DDX51: variants seen among roughly 807,000 people sequenced by gnomAD.
The protein encoded by DDX51 is ATP-dependent RNA helicase DDX51.
A neutral mutation model predicts 74.6 loss-of-function variants in DDX51; 67 were observed. The ratio of observed to expected loss-of-function variants is 0.90; its 90% confidence interval spans 0.74 to 1.10. The LOEUF is 1.10. DDX51 is among the 50% of genes least tolerant of loss of function. The pLI is 0.00. For missense variants in DDX51, 1,056 were observed against 905.2 expected (o/e 1.17, Z -2.14); for synonymous variants, 545 against 402.9 (o/e 1.35, Z -4.22).
Position 132,144,245 on chromosome 12 carries a change from C to A in DDX51, c.52G>T (p.Ala18Ser). 1 of 1,234,120 alleles carries A rather than the reference C, an allele frequency of 8.1e-7. No homozygotes were observed. The highest frequency in any genetic ancestry group is 1.0e-6 in the Non-Finnish European group (1 of 988,882). 76.4% of individuals were successfully genotyped at this position (1,234,120 alleles called of 1,614,324 possible). ...RYPGPDAAAAAGPEGAEAGAH... is the reference protein window; with the variant it reads ...RYPGPDAAAASGPEGAEAGAH... ...CCGGCCTCCGCGCCCTCCGGCCCCGCCGCAGCTGCCGCATCGGGGCCCGGG... is the reference window on the plus strand; with the variant it reads ...CCGGCCTCCGCGCCCTCCGGCCCCGACGCAGCTGCCGCATCGGGGCCCGGG... The change falls in exon 1 of 15, where the codon GCG becomes TCG. Residue 18 changes from alanine to serine, a missense_variant. Transcript: ENST00000397333.
rs550340511 is a variant in DDX51, at chr12:132,140,175, C to T, written c.1698G>A (p.Ala566=). 31 of 1,612,768 alleles carry T rather than the reference C, an allele frequency of 1.9e-5. 1 individual carries two copies. The East Asian group carries it at 3.1e-4, about 16-fold the overall frequency. The change falls in exon 12 of 15, where the codon GCG becomes GCA. Residue 566 remains alanine (A), a synonymous_variant. Transcript: ENST00000397333. ...CCACACCCTGCACGTCGATGCCTCG[C>T]GCGGTGGCGTCCGTGCTGATGAGCC... The part of the protein sequence containing the change: ...IQLLISTDAT[A]RGIDVQGVEL...
intron 11 of DDX51, 32 bp from the exon 12 acceptor site, chr12:132,140,231 G>A (rs374192050): frequency 1.9e-5 from 30 of 1,601,738 alleles, no homozygotes; most frequent in African/African-American, 1.1e-4. Flanking sequence ...TGGGCCCGAC[G>A]TGCCAGGAGC....
rs1389142054 is a variant in DDX51, at chr12:132,140,424, G to C, written c.1672C>G (p.Leu558Val). The change falls in exon 11 of 15, where the codon CTG becomes GTG. Residue 558 changes from leucine to valine, a missense_variant and splice_region_variant. Leu to Val is a conservative substitution (Grantham distance 32). Coordinates refer to ENST00000397333, the MANE Select transcript of DDX51 (RefSeq NM_175066.4). ...LKQFEQGKIQ[L>V]LISTDATARG... ...CCTTGCCCCTGCCCAGGAACTCACAGCTGGATCTTCCCCTGTTCAAACTGC... is the reference window on the plus strand; with the variant it reads ...CCTTGCCCCTGCCCAGGAACTCACACCTGGATCTTCCCCTGTTCAAACTGC... 6.2e-7 allele frequency: 1 copy of C among 1,613,208 alleles called. No homozygotes were observed. The highest frequency in any genetic ancestry group is 8.5e-7 in the Non-Finnish European group (1 of 1,180,004).
chr12:132,142,921 G>A (rs1432606578), intron 2 of DDX51, 43 bp from the exon 3 acceptor site: 2 of 1,608,894 alleles, frequency 1.2e-6, no homozygotes, highest in Non-Finnish European at 1.7e-6. Flanking sequence ...CGCTTTCCAG[G>A]CTCTCGCGCA....
rs757974282 is a variant in DDX51 at position 132,139,931 on chromosome 12, T to C, written c.1776-7A>G. 1.2e-6 allele frequency: 2 copies of C among 1,612,926 alleles called. No homozygotes were observed. Among genetic ancestry groups the C allele is most frequent in the Non-Finnish European group, 1.7e-6 (2 of 1,179,936 alleles). ...GCGAGCTGTCCTCCCAACCCTGGAA[T>C]CAAACGCAGCTATCTCCAGACTGGC... On this transcript the variant is annotated splice_region_variant and splice_polypyrimidine_tract_variant and intron_variant, in intron 12 of 14. Transcript: ENST00000397333.
chr12:132,142,141 G>A lies in DDX51; in HGVS notation c.866C>T (p.Pro289Leu). 1.3e-6 allele frequency: 2 copies of A among 1,545,888 alleles called. No individual in the cohort carries two copies. The highest frequency in any genetic ancestry group is 1.7e-6 in the Non-Finnish European group (2 of 1,146,024). The change falls in exon 5 of 15, where the codon CCC (proline) becomes CTC (leucine). Residue 289 changes from proline (P) to leucine (L), a missense_variant. By Grantham distance (98) the Pro-to-Leu change is moderately conservative. Transcript: ENST00000397333. ...TACCTGCTGGGCCAGCTCCTTGGTG[G>A]GCAGCACAACCAGGGCACGGATGTG... ...VCHIRALVVL[P>L]TKELAQQVSK...
intron 2 of DDX51, 101 bp downstream of exon 2, chr12:132,143,594 G>T: frequency 6.9e-7 from 1 of 1,442,726 alleles, no homozygotes; most frequent in South Asian, 1.2e-5. Flanking sequence ...TGTGACCCGG[G>T]AACATTCGCT....
rs550627284 is a variant in DDX51, at chr12:132,142,982, C to G, written c.520-104G>C. 4.7e-6 allele frequency: 7 copies of G among 1,490,550 alleles called. No individual in the cohort carries two copies. The Middle Eastern group carries it at 9.7e-4, about 207-fold the overall frequency. 92.3% of individuals were successfully genotyped at this position (1,490,550 alleles called of 1,614,324 possible). On this transcript the variant is annotated intron_variant, in intron 2 of 14. Transcript: ENST00000397333. ...GGAGGGAGGCTGGGGAAACCTCTGT[C>G]GTCTTCAGCTCCTTCTCAGCCCCAG...
rs1339248246 is a variant in DDX51, at chr12:132,141,363, C to A, written c.1162G>T (p.Val388Leu). 6.3e-7 allele frequency: 1 copy of A among 1,598,414 alleles called. No homozygotes were observed. The highest frequency in any genetic ancestry group is 8.5e-7 in the Non-Finnish European group (1 of 1,179,674). The change falls in exon 8 of 15, where the codon GTG becomes TTG. Residue 388 changes from valine to leucine, a missense_variant. Coordinates refer to ENST00000397333, the MANE Select transcript of DDX51 (RefSeq NM_175066.4). ...DSMHQSWLPRVVAAAFQSEDP... is the reference protein window; with the variant it reads ...DSMHQSWLPRLVAAAFQSEDP... Reference sequence around the variant, plus strand: ...TCGCTCTGGAAGGCGGCCGCCACCACCCGCGGCAGCCAGGACTGATGCATG... The same window carrying A: ...TCGCTCTGGAAGGCGGCCGCCACCAACCGCGGCAGCCAGGACTGATGCATG...
At position 132,142,106 on chromosome 12, in the gene DDX51, A is replaced by C. The variant is rs777440096; in HGVS notation, c.888+13T>G. On this transcript the variant is annotated intron_variant, in intron 5 of 14. Coordinates refer to ENST00000397333, the MANE Select transcript of DDX51 (RefSeq NM_175066.4). The stretch of plus-strand genomic sequence containing the variant: ...GCGGGCGGTGCCACGCTCCAGGTCT[A>C]GGGTCCACATACCTGCTGGGCCAGC... 1 of 1,555,320 alleles carries C rather than the reference A, an allele frequency of 6.4e-7. No homozygotes were observed. Among genetic ancestry groups the C allele is most frequent in the Non-Finnish European group, 8.7e-7 (1 of 1,151,054 alleles).
chr12:132,139,626 T>A lies in DDX51; in HGVS notation c.1974+9A>T. On this transcript the variant is annotated intron_variant, in intron 14 of 14. Coordinates refer to ENST00000397333, the MANE Select transcript of DDX51 (RefSeq NM_175066.4). Reference sequence around the variant, plus strand: ...CAGAGGGTTTCATGCCGGACTCTGGTGCCCTTACCTTGACAGACTCCTCCA... The same window carrying A: ...CAGAGGGTTTCATGCCGGACTCTGGAGCCCTTACCTTGACAGACTCCTCCA... 6.2e-7 allele frequency: 1 copy of A among 1,613,120 alleles called. No individual in the cohort carries two copies. The highest frequency in any genetic ancestry group is 8.5e-7 in the Non-Finnish European group (1 of 1,179,994).
chr12:132,140,510 C>T lies in DDX51; in HGVS notation c.1586G>A (p.Gly529Asp), dbSNP rs777104476. ...CGAGGAGAACTCAGCCACGTCCACACCCCCAAAAGCTTGCACCAGCAGGAA... is the reference window on the plus strand; with the variant it reads ...CGAGGAGAACTCAGCCACGTCCACATCCCCAAAAGCTTGCACCAGCAGGAA... ...RLFLLVQAFG[G>D]VDVAEFSSRY... The change falls in exon 11 of 15, where the codon GGT (glycine) becomes GAT (aspartate). Residue 529 changes from glycine (G) to aspartate (D), a missense_variant. Coordinates refer to ENST00000397333, the MANE Select transcript of DDX51 (RefSeq NM_175066.4). 1.4e-5 allele frequency: 22 copies of T among 1,613,112 alleles called. No individual in the cohort carries two copies. The highest frequency in any genetic ancestry group is 1.8e-5 in the Non-Finnish European group (21 of 1,180,024).
In DDX51 at chr12:132,141,888, C is replaced by T; in HGVS notation, c.957G>A (p.Lys319=). ...PLRVSLVTGQ[K]SLAKEQESLV... Reference sequence around the variant, plus strand: ...GGCTCTCCTGCTCCTTGGCCAGAGACTTCTGTCCCGTAACCAGGGAGACTC... The same window carrying T: ...GGCTCTCCTGCTCCTTGGCCAGAGATTTCTGTCCCGTAACCAGGGAGACTC... The change falls in exon 6 of 15, where the codon AAG becomes AAA. Residue 319 remains lysine, a synonymous_variant. Coordinates refer to ENST00000397333, the MANE Select transcript of DDX51 (RefSeq NM_175066.4). 4.3e-6 allele frequency: 7 copies of T among 1,613,226 alleles called. No individual in the cohort carries two copies. The highest frequency in any genetic ancestry group is 5.9e-6 in the Non-Finnish European group (7 of 1,180,002).
rs1392959762 is a variant in DDX51 at position 132,141,498 on chromosome 12, C to T, written c.1104G>A (p.Leu368=). The T allele has an allele frequency of 6.3e-7, 1 of 1,589,018 alleles. No homozygotes were observed. The highest frequency in any genetic ancestry group is 2.2e-5 in the East Asian group (1 of 44,606). The change falls in exon 7 of 15, where the codon CTG becomes CTA. Residue 368 remains leucine, a splice_region_variant and synonymous_variant. Transcript: ENST00000397333. ...PGFSLQQLRF[L]IIDEADRMID... ...CCAGGCCCCTGGGGCGGGGACCTAC[C>T]AGGAAGCGGAGCTGCTGGAGGCTGA...
At position 132,142,881 on chromosome 12, in the gene DDX51, G is replaced by A. The variant is rs375231212; in HGVS notation, c.520-3C>T. ...CACCTTGGCAGGAAAGGCTGGACCTGCCATCAAAAAGAAAGAGAGGCCAGG... is the reference window on the plus strand; with the variant it reads ...CACCTTGGCAGGAAAGGCTGGACCTACCATCAAAAAGAAAGAGAGGCCAGG... On this transcript the variant is annotated splice_polypyrimidine_tract_variant and splice_region_variant and intron_variant, in intron 2 of 14. Coordinates refer to ENST00000397333, the MANE Select transcript of DDX51 (RefSeq NM_175066.4). The A allele has an allele frequency of 1.9e-6, 3 of 1,612,414 alleles. No individual in the cohort carries two copies. The highest frequency in any genetic ancestry group is 2.5e-6 in the Non-Finnish European group (3 of 1,179,994).
At chr12:132,143,079 T>C in intron 2 of DDX51, 1 of 646,530 alleles carries the variant, frequency 1.5e-6, no homozygotes, top group Non-Finnish European at 2.6e-6. Flanking sequence ...AAACTCACTC[T>C]GTAGCCTCCC....
chr12:132,139,182 C>T lies in DDX51; in HGVS notation c.*90G>A, dbSNP rs1371463211. The T allele has an allele frequency of 2.0e-5, 31 of 1,524,618 alleles. No homozygotes were observed. In the Admixed American group the frequency reaches 4.0e-4, roughly 20 times the overall value. 94.4% of individuals were successfully genotyped at this position (1,524,618 alleles called of 1,614,324 possible). A position where few individuals can be genotyped will look rare whatever the true frequency, so the allele number is the denominator to read the frequency against. On this transcript the variant is annotated 3_prime_UTR_variant, in exon 15 of 15. Coordinates refer to ENST00000397333, the MANE Select transcript of DDX51 (RefSeq NM_175066.4). Reference sequence around the variant, plus strand: ...GCTGTGTCCACTGGGGGATTCCTTTCCTCACATACAGGATCCAGTGATCAG... The same window carrying T: ...GCTGTGTCCACTGGGGGATTCCTTTTCTCACATACAGGATCCAGTGATCAG...
intron 2 of DDX51, 181 bp from the exon 3 acceptor site, chr12:132,143,059 C>T: frequency 2.7e-6 from 2 of 737,756 alleles, no homozygotes; most frequent in Admixed American, 2.5e-5. Flanking sequence ...GCAGATGCCA[C>T]TCCCTGAGCA....
intron 8 of DDX51, 77 bp from the exon 9 acceptor site, chr12:132,141,097 A>C: frequency 6.5e-7 from 1 of 1,527,230 alleles, no homozygotes; most frequent in East Asian, 2.3e-5. Flanking sequence ...TCCTCATGCT[A>C]CGCACTGTAG....
Sources: allele counts gnomAD v4.1 joint callset, GRCh38; gene constraint gnomAD v4.1.1; transcripts MANE v1.5; gene names NCBI Gene and HGNC (gene_info 2026-07-23, HGNC 2026-07-21).